The following PLA2G5 variants were observed in gnomAD, a reference collection of about 807,000 sequenced individuals.
PLA2G5 encodes Ca2+-dependent phospholipase A2.
PLA2G5 carries 12 observed loss-of-function variants against 15.9 expected under a neutral mutation model. The observed-to-expected ratio is 0.76, with a 90% CI of 0.48 to 1.23. The LOEUF is 1.23. PLA2G5 is among the 50% of genes most tolerant of loss of function. The pLI, the probability that PLA2G5 is intolerant of heterozygous loss-of-function variation, is 0.00. For synonymous variants in PLA2G5, 71 were observed against 71.4 expected, an observed-to-expected ratio of 0.99 and a Z score of 0.03; for missense variants, 169 against 177.1, an observed-to-expected ratio of 0.95 and a Z score of 0.26.
Position 20,058,266 on chromosome 1 carries a change from G to A in PLA2G5, n.277-1366G>A, listed in dbSNP as rs186557071. ...AATAGTGGCTTTGTCTATTTCTCCT[G>A]CAGTCCTCTCAGTTTTTGCCTCACG... On this transcript the variant is annotated intron_variant and non_coding_transcript_variant, in intron 1 of 6. Coordinates refer to the PLA2G5 transcript ENST00000460175. 3.7e-3 allele frequency among the ~76,000 whole-genome samples: 556 copies of A among 152,254 alleles called. 1 individual carries two copies. The highest frequency in any genetic ancestry group is 5.8e-3 in the Non-Finnish European group (396 of 68,020).
chr1:20,076,994 G>A (rs1472481185), intron 1 of PLA2G5: 2 of 152,270 alleles, frequency 1.3e-5, no homozygotes, highest in Non-Finnish European at 2.9e-5. Flanking sequence ...AGGTTTCCAT[G>A]GCTACCCTTG....
chr1:20,030,887 G>A (rs1341242075), intron 1 of PLA2G5, among the ~76,000 whole-genome samples: 1 of 152,212 alleles, frequency 6.6e-6, no homozygotes, highest in African/African-American at 2.4e-5. Context: ...CAGGGTTGGG[G>A]CTAAAGTTAC....
At chr1:20,060,247 C>CT (rs71585739) in intron 2 of PLA2G5, among the ~76,000 whole-genome samples, 1,651 of 83,660 alleles carry the variant, frequency 0.02, 62 homozygotes, top group Non-Finnish European at 0.025. Flanking sequence ...CTTTTTTCTT[C>CT]TTTTTTTTTT....
At chr1:20,088,954 C>G (rs982171416) in intron 3 of PLA2G5, 3 of 152,094 alleles carry the variant, frequency 2.0e-5, no homozygotes, top group African/African-American at 7.3e-5. Flanking sequence ...GCACGTGCCA[C>G]CATGCCTGGC....
In PLA2G5 at chr1:20,073,522, C is replaced by A. The variant is rs371340724; in HGVS notation, c.-11+3057C>A. ...TGAAACCCACTTGGGGCTGCTTCTA[C>A]TTCCACATTTAATTGGTTCATCCAT... On this transcript the variant is annotated intron_variant, in intron 1 of 4. Coordinates refer to ENST00000375108, the MANE Select transcript of PLA2G5 (RefSeq NM_000929.3). 5.7e-4 allele frequency among the ~76,000 whole-genome samples: 87 copies of A among 152,310 alleles called. 1 individual carries two copies. Among genetic ancestry groups the A allele is most frequent in the African/African-American group, 2.1e-3 (86 of 41,566 alleles).
chr1:20,061,207 T>A (rs1455932452), intron 2 of PLA2G5, among the ~76,000 whole-genome samples: 2 of 152,130 alleles, frequency 1.3e-5, no homozygotes, highest in Non-Finnish European at 2.9e-5. Flanking sequence ...CTTCATGCTG[T>A]TTTCTACTTT....
chr1:20,037,031 A>T (rs1352518712), intron 1 of PLA2G5, among the ~76,000 whole-genome samples: 1 of 152,090 alleles, frequency 6.6e-6, no homozygotes, highest in Non-Finnish European at 1.5e-5. Flanking sequence ...TGAATAATTG[A>T]CCTTCTGAAT....
At chr1:20,055,973 T>A (rs1245262100) in intron 1 of PLA2G5, among the ~76,000 whole-genome samples, 1 of 152,114 alleles carries the variant, frequency 6.6e-6, no homozygotes, top group Non-Finnish European at 1.5e-5. Context: ...GTTTAGGAGT[T>A]ATCTGGGTAA....
rs951950360 is a variant in PLA2G5 at position 20,090,991 on chromosome 1, G to A, written c.*299G>A. 1.3e-4 allele frequency: 38 copies of A among 301,438 alleles called. No homozygotes were observed. The highest frequency in any genetic ancestry group is 6.0e-4 in the African/African-American group (28 of 46,858). The allele number at this position is 301,438 out of a possible 1,614,324, so 18.7% of individuals were successfully genotyped here. A position where few individuals can be genotyped will look rare whatever the true frequency, so the allele number is the denominator to read the frequency against. On this transcript the variant is annotated 3_prime_UTR_variant, in exon 5 of 5. Transcript: ENST00000375108. ...GGCTGTGTCTCTTTTCTTCTCTGAA[G>A]ACAGCGTCCTGGCTCCAGTTGGAAC...
intron 3 of PLA2G5, among the ~76,000 whole-genome samples, chr1:20,087,491 T>G (rs1416981039): frequency 6.6e-6 from 1 of 152,162 alleles, no homozygotes; most frequent in Non-Finnish European, 1.5e-5. Flanking sequence ...CCTCCTGGGT[T>G]CATGCCGTTC....
rs71585739 is a variant in PLA2G5 at position 20,060,247 on chromosome 1, C to CTTTTTTTTTTTTTTTTTTTT, written n.337+560_337+579dup. On this transcript the variant is annotated intron_variant and non_coding_transcript_variant, in intron 2 of 6. Coordinates refer to the PLA2G5 transcript ENST00000460175. ...CTATTTACTGACTTTCTTTTTTCTT[C>CTTTTTTTTTTTTTTTTTTTT]TTTTTTTTTTTTTTTTTTTTTTTTG... Among the ~76,000 whole-genome samples the CTTTTTTTTTTTTTTTTTTTT allele has an allele frequency of 5.1e-4, 43 of 83,708 alleles. 2 individuals are homozygous for CTTTTTTTTTTTTTTTTTTTT. Among genetic ancestry groups the CTTTTTTTTTTTTTTTTTTTT allele is most frequent in the Non-Finnish European group, 7.1e-4 (33 of 46,704 alleles). 54.9% of individuals were successfully genotyped at this position (83,708 alleles called of 152,430 possible).
At chr1:20,043,540 G>T (rs2013729740) in intron 1 of PLA2G5, among the ~76,000 whole-genome samples, 1 of 152,108 alleles carries the variant, frequency 6.6e-6, no homozygotes, top group African/African-American at 2.4e-5. Context: ...TAAGGTAGTG[G>T]GATATGAGAG....
intron 1 of PLA2G5, among the ~76,000 whole-genome samples, chr1:20,030,330 G>C (rs1412030470): frequency 2.6e-5 from 4 of 152,024 alleles, no homozygotes; most frequent in Non-Finnish European, 5.9e-5. Context: ...GTTAAGGAAA[G>C]GAGCTGTGCC....
exon 1 of PLA2G5, chr1:20,028,433 CG>C: frequency 6.6e-6 from 1 of 152,208 alleles, no homozygotes; most frequent in East Asian, 1.9e-4. Flanking sequence ...TGTGAAATGG[CG>C]GGGGACTTAC....
In PLA2G5 at chr1:20,084,874, AG is replaced by A. The variant is rs1364254561; in HGVS notation, c.40+5del. The A allele has an allele frequency of 6.2e-7, 1 of 1,602,408 alleles. No individual in the cohort carries two copies. The highest frequency in any genetic ancestry group is 8.6e-7 in the Non-Finnish European group (1 of 1,169,316). On this transcript the variant is annotated splice_donor_5th_base_variant and intron_variant, in intron 2 of 4. Transcript: ENST00000375108. The stretch of plus-strand genomic sequence containing the variant: ...CTGGCTTGGTTCCTGGCTTGTAGTA[AG>A]TGCTGGCCCCGTGACCTTCGAATGA...
chr1:20,047,114 G>A (rs1248028239), intron 1 of PLA2G5, among the ~76,000 whole-genome samples: 1 of 152,164 alleles, frequency 6.6e-6, no homozygotes, highest in Non-Finnish European at 1.5e-5. Context: ...GCCCTGCAGG[G>A]AAATCCTCAA....
intron 1 of PLA2G5, among the ~76,000 whole-genome samples, chr1:20,083,688 A>G (rs981584831): frequency 6.6e-6 from 1 of 151,856 alleles, no homozygotes; most frequent in Non-Finnish European, 1.5e-5. Context: ...GAGCATGAGA[A>G]GGAACAAACA....
chr1:20,073,605 G>A (rs542645726), intron 1 of PLA2G5, among the ~76,000 whole-genome samples: 35 of 152,272 alleles, frequency 2.3e-4, no homozygotes, highest in African/African-American at 7.2e-5. Context: ...ATTAGGGGCC[G>A]GGTGCGGTGG....
intron 2 of PLA2G5, among the ~76,000 whole-genome samples, chr1:20,060,884 A>G (rs752449372): frequency 1.3e-5 from 2 of 151,540 alleles, no homozygotes; most frequent in Non-Finnish European, 2.9e-5. Context: ...TGCCCAGCTA[A>G]TTTTGTATTT....
Sources: allele counts gnomAD v4.1 joint callset (sites outside exome capture counted in the v4.1 genomes callset), GRCh38; gene constraint gnomAD v4.1.1; transcripts MANE v1.5; gene names NCBI Gene and HGNC (gene_info 2026-07-23, HGNC 2026-07-21).